The following RIMS2 variants were observed in gnomAD, a reference collection of about 807,000 sequenced individuals.
The protein encoded by RIMS2 is regulating synaptic membrane exocytosis protein 2.
Under a neutral mutation model 174.4 loss-of-function variants are expected in RIMS2, and 59 were observed. The observed-to-expected ratio is 0.34, with a 90% CI of 0.27 to 0.42. The LOEUF (loss-of-function observed/expected upper bound fraction) is 0.42, where lower values mean the gene tolerates loss of function less well. RIMS2 is among the 10% of genes least tolerant of loss of function. The probability of loss-of-function intolerance (pLI) is 1.00; values close to 1 mark genes in which losing one functional copy is unlikely to be tolerated. For missense variants in RIMS2, 1,620 were observed against 1,666.3 expected (o/e 0.97, Z 0.48); for synonymous variants, 606 against 572.5 (o/e 1.06, Z -0.84).
intron 19 of RIMS2, 135 bp from the exon 24 acceptor site, chr8:104,093,336 T>G (rs190888351): frequency 3.5e-6 from 2 of 568,812 alleles, no homozygotes; most frequent in Non-Finnish European, 6.0e-6. Context: ...CATTCACTTT[T>G]GTTTTATATG....
intron 3 of RIMS2, among the ~76,000 whole-genome samples, chr8:103,852,874 A>G (rs978675530): frequency 6.6e-6 from 1 of 152,040 alleles, no homozygotes; most frequent in Non-Finnish European, 1.5e-5. Context: ...ATGTGAGTGC[A>G]TGTGTCTTTT....
intron 19 of RIMS2, among the ~76,000 whole-genome samples, chr8:104,171,887 C>A (rs7845917): frequency 0.023 from 3,478 of 152,056 alleles, 130 homozygotes; most frequent in African/African-American, 0.079. Flanking sequence ...TAATTTGATT[C>A]TCGGATATTT....
intron 18 of RIMS2, 50 bp downstream of exon 20, chr8:104,013,671 C>G (rs758462945): frequency 6.7e-7 from 1 of 1,493,352 alleles, no homozygotes; most frequent in South Asian, 1.2e-5. Context: ...CACCAGCACA[C>G]CATTTTATTT....
At chr8:104,230,019 C>T (rs2139164991) in intron 19 of RIMS2, among the ~76,000 whole-genome samples, 1 of 152,232 alleles carries the variant, frequency 6.6e-6, no homozygotes, top group East Asian at 1.9e-4. Context: ...CTGGCTCACA[C>T]CTGTAATCCC....
intron 15 of RIMS2, among the ~76,000 whole-genome samples, chr8:103,964,569 C>A (rs145641210): frequency 6.6e-6 from 1 of 151,940 alleles, no homozygotes; most frequent in Non-Finnish European, 1.5e-5. Context: ...GACAACAGTC[C>A]TTTATAAAAT....
At chr8:103,961,701 C>A (rs1345830655) in intron 15 of RIMS2, among the ~76,000 whole-genome samples, 2 of 151,978 alleles carry the variant, frequency 1.3e-5, no homozygotes, top group African/African-American at 4.8e-5. Flanking sequence ...ACATGTAATA[C>A]CTTTAATATT....
chr8:103,989,316 A>G (rs2094546425), exon 17 of RIMS2: 1 of 1,604,642 alleles, frequency 6.2e-7, no homozygotes, highest in East Asian at 2.2e-5. Context: ...CGGAATGTGG[A>G]ACAGGGGCTT....
chr8:104,147,743 G>A (rs1158127658), intron 19 of RIMS2, among the ~76,000 whole-genome samples: 5 of 152,070 alleles, frequency 3.3e-5, no homozygotes, highest in Non-Finnish European at 7.4e-5. Flanking sequence ...GGTTTATGGG[G>A]GCTAGCTGGA....
At chr8:103,707,980 T>C (rs2097254244) in intron 2 of RIMS2, among the ~76,000 whole-genome samples, 1 of 152,150 alleles carries the variant, frequency 6.6e-6, no homozygotes, top group South Asian at 2.1e-4. Context: ...TACCCAATTG[T>C]AAGAAAAAGT....
chr8:103,938,364 G>T (rs1455035810), intron 13 of RIMS2, among the ~76,000 whole-genome samples: 1 of 152,108 alleles, frequency 6.6e-6, no homozygotes, highest in East Asian at 1.9e-4. Context: ...GAGAGAGAGA[G>T]ATTGTGCAGG....
intron 19 of RIMS2, among the ~76,000 whole-genome samples, chr8:104,227,086 C>T (rs959537975): frequency 4.6e-5 from 7 of 152,108 alleles, no homozygotes; most frequent in African/African-American, 1.7e-4. Context: ...AGCTAAACAA[C>T]TTGCCCCCAG....
chr8:104,079,345 C>T (rs72683195), intron 19 of RIMS2, among the ~76,000 whole-genome samples: 3,646 of 151,894 alleles, frequency 0.024, 63 homozygotes, highest in Non-Finnish European at 0.038. Context: ...GAAACATTTC[C>T]TTTTACCGTC....
chr8:103,910,253 C>A, intron 5 of RIMS2, 68 bp from the exon 8 acceptor site: 1 of 1,518,796 alleles, frequency 6.6e-7, no homozygotes, highest in Non-Finnish European at 9.0e-7. Context: ...TTCACTTTTC[C>A]TTTTTTATTT....
At chr8:104,155,977 A>G (rs1035090830) in intron 19 of RIMS2, among the ~76,000 whole-genome samples, 9 of 152,336 alleles carry the variant, frequency 5.9e-5, no homozygotes, top group Non-Finnish European at 1.2e-4. Flanking sequence ...CCCTAGGTTT[A>G]TACTTTACAT....
At position 104,092,904 on chromosome 8, in the gene RIMS2, A is replaced by C. The variant is rs2097688067; in HGVS notation, c.3334+78289A>C. ...GCAACCCTGGCTGTGCCAGTTAACT[A>C]TCTGACTATTTCAATTCCAGGAAGT... On this transcript the variant is annotated intron_variant, in intron 19 of 23. Transcript: ENST00000504942. Among the ~76,000 whole-genome samples the C allele has an allele frequency of 2.0e-5, 3 of 152,016 alleles. No homozygotes were observed. The South Asian group carries it at 6.2e-4, about 31-fold the overall frequency.
intron 19 of RIMS2, among the ~76,000 whole-genome samples, chr8:104,111,600 G>C (rs2098184742): frequency 6.6e-6 from 1 of 152,106 alleles, no homozygotes; most frequent in South Asian, 2.1e-4. Flanking sequence ...TAGAGATGGG[G>C]TTTCACCGTG....
At chr8:103,942,165 C>G (rs2082690657) in intron 13 of RIMS2, among the ~76,000 whole-genome samples, 1 of 152,126 alleles carries the variant, frequency 6.6e-6, no homozygotes, top group African/African-American at 2.4e-5. Flanking sequence ...CTCCGGTAGG[C>G]CCCAGTACGT....
intron 23 of RIMS2, among the ~76,000 whole-genome samples, 180 bp downstream of exon 29, chr8:104,251,343 A>G (rs1237612872): frequency 1.3e-5 from 2 of 152,154 alleles, no homozygotes; most frequent in Admixed American, 6.6e-5. Context: ...CTTTAAAGTG[A>G]TTTACAGACA....
intron 2 of RIMS2, among the ~76,000 whole-genome samples, chr8:103,755,781 A>G (rs2097989232): frequency 6.6e-6 from 1 of 152,038 alleles, no homozygotes; most frequent in Non-Finnish European, 1.5e-5. Context: ...CTATCAGTTC[A>G]TTTATGTTCT....
Sources: allele counts gnomAD v4.1 joint callset (sites outside exome capture counted in the v4.1 genomes callset), GRCh38; gene constraint gnomAD v4.1.1; transcripts MANE v1.5; gene names NCBI Gene and HGNC (gene_info 2026-07-23, HGNC 2026-07-21).